The following ELP3 variants were observed in gnomAD, a reference collection of about 807,000 sequenced individuals.
ELP3 encodes elongator complex protein 3.
In ELP3, 56 loss-of-function variants were observed where a neutral mutation model predicts 74.9. The observed-to-expected ratio is 0.75, with a 90% CI of 0.60 to 0.93. The LOEUF (loss-of-function observed/expected upper bound fraction) is 0.93. ELP3 is among the 40% of genes least tolerant of loss of function. The pLI is 0.00. For missense variants in ELP3, 573 were observed against 686.5 expected (o/e 0.83, Z 1.85); for synonymous variants, 222 against 239.8 (o/e 0.93, Z 0.68).
intron 12 of ELP3, 69 bp downstream of exon 12, chr8:28,158,702 A>G (rs1813943936): frequency 7.9e-7 from 1 of 1,262,714 alleles, no homozygotes; most frequent in Non-Finnish European, 1.2e-6. Context: ...GGGCCCACAT[A>G]TTCTTAACCA....
intron 11 of ELP3, 51 bp downstream of exon 11, chr8:28,156,083 C>A: frequency 6.7e-7 from 1 of 1,495,780 alleles, no homozygotes; most frequent in Non-Finnish European, 9.3e-7. Flanking sequence ...AAAGAGAAAT[C>A]TGAAACACGA....
intron 10 of ELP3, among the ~76,000 whole-genome samples, chr8:28,151,512 G>A (rs1329360977): frequency 2.0e-5 from 3 of 151,942 alleles, no homozygotes; most frequent in Non-Finnish European, 4.4e-5. Context: ...CTTCATAGTC[G>A]GACATATAAT....
chr8:28,129,311 A>C, intron 7 of ELP3, 191 bp from the exon 8 acceptor site: 1 of 571,938 alleles, frequency 1.7e-6, no homozygotes, highest in Non-Finnish European at 3.1e-6. Flanking sequence ...CGAAGCACAG[A>C]GGTTAATAGC....
chr8:28,177,203 A>G (rs961175511), intron 14 of ELP3, among the ~76,000 whole-genome samples: 4 of 152,156 alleles, frequency 2.6e-5, no homozygotes, highest in Admixed American at 6.5e-5. Flanking sequence ...AACTAAGATT[A>G]TACATGGGTA....
In ELP3 at chr8:28,106,733, G is replaced by A; in HGVS notation, c.279G>A (p.Met93Ile). ...TATAGATTGCTGTCGTGGCTGTGAT[G>A]TGCAAACCCCACAGATGTCCACACA... ...TASGIAVVAV[M>I]CKPHRCPHIS... Residue 93 changes from methionine (M) to isoleucine (I), a missense_variant, in exon 4 of 15, where the codon ATG becomes ATA. Coordinates refer to ENST00000256398, the MANE Select transcript of ELP3 (RefSeq NM_018091.6). 6.2e-7 allele frequency: 1 copy of A among 1,612,866 alleles called. No individual in the cohort carries two copies.
chr8:28,105,362 C>A (rs1811647323), intron 3 of ELP3, among the ~76,000 whole-genome samples: 2 of 152,172 alleles, frequency 1.3e-5, no homozygotes, highest in Non-Finnish European at 2.9e-5. Context: ...TGCACTCCAG[C>A]CTGGGCAACA....
At chr8:28,132,257 G>C in intron 8 of ELP3, 21 bp from the exon 9 acceptor site, 1 of 1,613,566 alleles carries the variant, frequency 6.2e-7, no homozygotes, top group East Asian at 2.2e-5. Context: ...ATTTTCACAG[G>C]TAGTGATTTT....
intron 11 of ELP3, among the ~76,000 whole-genome samples, chr8:28,157,397 G>A (rs1019109810): frequency 6.6e-6 from 1 of 151,836 alleles, no homozygotes; most frequent in Non-Finnish European, 1.5e-5. Context: ...TGAAAGGACA[G>A]CAGCTACATT....
At chr8:28,179,607 T>C (rs1814916534) in intron 14 of ELP3, among the ~76,000 whole-genome samples, 1 of 152,212 alleles carries the variant, frequency 6.6e-6, no homozygotes, top group Admixed American at 6.5e-5. Context: ...GAAATAATTA[T>C]ATGAATCAGT....
rs756910751 is a variant in ELP3 at position 28,099,829 on chromosome 8, G to T, written c.121G>T (p.Val41Leu). Reference protein sequence around the residue: ...EQGKDIDLNKVKTKTAAKYGL... With the variant: ...EQGKDIDLNKLKTKTAAKYGL... ...TAATGTGAGATGCTTTACTTTCAGG[G>T]TGAAAACCAAGACAGCTGCCAAATA... is the stretch of plus-strand genomic sequence containing the variant. Residue 41 changes from valine to leucine, a missense_variant and splice_region_variant, in exon 3 of 15, where the codon GTG becomes TTG. By Grantham distance (32) the Val-to-Leu change is conservative (BLOSUM62 1). Coordinates refer to ENST00000256398, the MANE Select transcript of ELP3 (RefSeq NM_018091.6). 2 of 1,614,148 alleles carry T rather than the reference G, an allele frequency of 1.2e-6. No individual in the cohort carries two copies. Among genetic ancestry groups the T allele is most frequent in the East Asian group, 2.2e-5 (1 of 44,886 alleles).
At chr8:28,162,801 G>T (rs1034048871) in intron 14 of ELP3, among the ~76,000 whole-genome samples, 5 of 152,210 alleles carry the variant, frequency 3.3e-5, no homozygotes, top group African/African-American at 1.2e-4. Flanking sequence ...AGAGCTAAGG[G>T]TGATAAACGG....
chr8:28,171,656 A>C (rs944944368), intron 14 of ELP3, among the ~76,000 whole-genome samples: 1 of 152,024 alleles, frequency 6.6e-6, no homozygotes, highest in Non-Finnish European at 1.5e-5. Flanking sequence ...AAAGTTTGTA[A>C]TTTTAATGAA....
At chr8:28,180,827 A>G (rs1392741355) in intron 14 of ELP3, among the ~76,000 whole-genome samples, 4 of 152,114 alleles carry the variant, frequency 2.6e-5, no homozygotes. Context: ...AATCCAGAAG[A>G]GGGGGTGCTA....
chr8:28,099,802 G>C, intron 2 of ELP3, 26 bp from the exon 3 acceptor site: 1 of 1,613,740 alleles, frequency 6.2e-7, no homozygotes, highest in Non-Finnish European at 8.5e-7. Context: ...CCGTAATCTT[G>C]ATAATGTGAG....
At chr8:28,112,166 CAG>C (rs987877561) in intron 6 of ELP3, among the ~76,000 whole-genome samples, 3 of 151,210 alleles carry the variant, frequency 2.0e-5, no homozygotes, top group African/African-American at 7.3e-5. Flanking sequence ...TTTTTTTAAA[CAG>C]AGTGTCACTC....
At chr8:28,125,759 CTTTTTTTTT>C (rs755484214) in intron 7 of ELP3, among the ~76,000 whole-genome samples, 12 of 92,196 alleles carry the variant, frequency 1.3e-4, no homozygotes, top group East Asian at 1.0e-3. Flanking sequence ...AGTCATTTCT[CTTTTTTTTT>C]TTTTTTTTTT....
rs1812716642 is a variant in ELP3, at chr8:28,129,660, A to G, written c.776A>G (p.Asn259Ser). The G allele has an allele frequency of 6.2e-7, 1 of 1,614,070 alleles. No individual in the cohort carries two copies. Among genetic ancestry groups the G allele is most frequent in the African/African-American group, 1.3e-5 (1 of 75,042 alleles). The change falls in exon 8 of 15, where the codon AAC becomes AGC. Residue 259 changes from asparagine to serine, a missense_variant. Transcript: ENST00000256398. ...TATGAAGATGTGGCTAGAGACACCA[A>G]CAGGTAAGATGGTGGCAGGTGATCT... ...SVYEDVARDT[N>S]RGHTVKAVCE...
At chr8:28,102,667 C>T (rs1044239531) in intron 3 of ELP3, among the ~76,000 whole-genome samples, 8 of 152,162 alleles carry the variant, frequency 5.3e-5, no homozygotes, top group Admixed American at 3.9e-4. Context: ...GCACCTTCAC[C>T]CCTACCCCAG....
At chr8:28,181,215 C>T (rs1426445331) in intron 14 of ELP3, among the ~76,000 whole-genome samples, 1 of 152,158 alleles carries the variant, frequency 6.6e-6, no homozygotes, top group Non-Finnish European at 1.5e-5. Flanking sequence ...TTTTGTCTGC[C>T]ATAATCAAGC....
Sources: allele counts gnomAD v4.1 joint callset (sites outside exome capture counted in the v4.1 genomes callset), GRCh38; gene constraint gnomAD v4.1.1; transcripts MANE v1.5; gene names NCBI Gene and HGNC (gene_info 2026-07-23, HGNC 2026-07-21).